UGT1A7: variants seen among roughly 807,000 people sequenced by gnomAD.
The protein encoded by UGT1A7 is UDP-glucuronosyltransferase 1A7.
A neutral mutation model predicts 45.6 loss-of-function variants in UGT1A7; 33 were observed. That is an observed-to-expected ratio of 0.72 (90% confidence interval 0.55 to 0.97). The LOEUF (loss-of-function observed/expected upper bound fraction) is 0.97. Among genes scored for constraint, UGT1A7 ranks in the 50% least tolerant of loss-of-function variants. The pLI is 0.00. For missense variants in UGT1A7, 684 were observed against 666.2 expected (o/e 1.03, Z -0.29); for synonymous variants, 274 against 250.6 (o/e 1.09, Z -0.88).
chr2:233,729,156 G>A (rs397978902), intron 1 of UGT1A7: 62 of 1,613,462 alleles, frequency 3.8e-5, no homozygotes, highest in East Asian at 8.9e-5. Flanking sequence ...TTCCCCTGCC[G>A]TGGCTGGCCA....
At chr2:233,752,601 A>T (rs969086099) in intron 1 of UGT1A7, 2 of 152,086 alleles carry the variant, frequency 1.3e-5, no homozygotes, top group Non-Finnish European at 2.9e-5. Flanking sequence ...GATTTTTTTT[A>T]AAAAAACATT....
rs371021401 is a variant in UGT1A7, at chr2:233,729,953, T to C, written c.856-37081T>C. The stretch of plus-strand genomic sequence containing the variant: ...CCAATCATGCCCAACATGGTCTTCA[T>C]TGGGGGCATCAACTGTGCCAACAGG... On this transcript the variant is annotated intron_variant, in intron 1 of 4. Transcript: ENST00000373426. 4.9e-4 allele frequency: 788 copies of C among 1,614,064 alleles called. 2 individuals are homozygous for C. In the South Asian group the frequency reaches 7.7e-3, roughly 16 times the overall value.
chr2:233,705,135 TG>T (rs2075825979), intron 1 of UGT1A7, among the ~76,000 whole-genome samples: 2 of 98,450 alleles, frequency 2.0e-5, no homozygotes, highest in African/African-American at 1.2e-4. Context: ...AGACTTCGTC[TG>T]AAAAAAAAAA....
intron 1 of UGT1A7, among the ~76,000 whole-genome samples, chr2:233,688,037 A>G (rs972225806): frequency 2.6e-5 from 4 of 152,244 alleles, no homozygotes; most frequent in African/African-American, 9.6e-5. Flanking sequence ...ATCTAATTCC[A>G]GATCATTTTC....
intron 1 of UGT1A7, among the ~76,000 whole-genome samples, chr2:233,764,010 C>T (rs956490955): frequency 8.5e-5 from 13 of 152,216 alleles, no homozygotes; most frequent in Admixed American, 5.2e-4. Context: ...CACAGATGAC[C>T]CACATGGTGT....
At chr2:233,768,582 CTTTT>C (rs139595073) in intron 4 of UGT1A7, 143 bp downstream of exon 4, 9,680 of 1,016,394 alleles carry the variant, frequency 9.5e-3, no homozygotes, top group East Asian at 0.022. Flanking sequence ...TTTATTTCTT[CTTTT>C]TTTTTTTTTT....
intron 1 of UGT1A7, among the ~76,000 whole-genome samples, chr2:233,757,535 A>AATATATATACATATACATATATAC (rs376887521): frequency 2.4e-4 from 21 of 88,296 alleles, no homozygotes; most frequent in African/African-American, 1.1e-3. Context: ...GCCTGTAAGG[A>AATATATATACATATACATATATAC]ATATATATAT....
chr2:233,769,864 A>C lies in UGT1A7; in HGVS notation c.1295+1425A>C, dbSNP rs2126048970. On this transcript the variant is annotated intron_variant, in intron 4 of 4. Transcript: ENST00000373426. The surrounding 1 kb of genome is among the most constrained non-coding windows in gnomAD (Gnocchi z 4.4). ...CAGAGTGAGACCCTGTCTCAAAAAA[A>C]AAAAAAAAAATGAAAAGTCCACATA... 6.3e-6 allele frequency: 3 copies of C among 472,760 alleles called. No homozygotes were observed. The highest frequency in any genetic ancestry group is 3.9e-5 in the South Asian group (1 of 25,612). The allele number at this position is 472,760 out of a possible 1,614,324, so 29.3% of individuals were successfully genotyped here. A position where few individuals can be genotyped will look rare whatever the true frequency, so the allele number is the denominator to read the frequency against.
intron 1 of UGT1A7, among the ~76,000 whole-genome samples, chr2:233,715,287 A>G (rs1325168484): frequency 6.6e-6 from 1 of 152,128 alleles, no homozygotes; most frequent in East Asian, 1.9e-4. Context: ...CTCCAGTTAT[A>G]TTTTGGCTCT....
At chr2:233,690,514 T>A in intron 1 of UGT1A7, 3 of 1,289,746 alleles carry the variant, frequency 2.3e-6, no homozygotes, top group Non-Finnish European at 3.0e-6. Flanking sequence ...ATTTGTTTTA[T>A]CTTAGGATCT....
intron 1 of UGT1A7, chr2:233,721,762 T>C (rs1308091400): frequency 4.2e-6 from 2 of 475,048 alleles, no homozygotes; most frequent in Non-Finnish European, 8.4e-6. Context: ...ATCTAAATTG[T>C]TATATTTAGC....
chr2:233,691,177 G>C, intron 1 of UGT1A7: 1 of 985,670 alleles, frequency 1.0e-6, no homozygotes, highest in South Asian at 4.7e-5. Context: ...ATGTCTGCCT[G>C]CTCAAGAAGG....
chr2:233,743,699 GC>G, intron 1 of UGT1A7: 2 of 1,367,268 alleles, frequency 1.5e-6, no homozygotes, highest in Non-Finnish European at 2.0e-6. Context: ...GCCGCCCTCC[GC>G]CCCCGCCTCG....
chr2:233,695,628 G>A (rs1370697803), intron 1 of UGT1A7, among the ~76,000 whole-genome samples: 1 of 151,214 alleles, frequency 6.6e-6, no homozygotes, highest in African/African-American at 2.4e-5. Flanking sequence ...CTACCTCCAT[G>A]AGACCCACTT....
chr2:233,760,233 C>T (rs1697357127), intron 1 of UGT1A7: 2 of 1,510,150 alleles, frequency 1.3e-6, no homozygotes, highest in Non-Finnish European at 9.0e-7. Context: ...TGGTTTTTGC[C>T]ATATATATAT....
chr2:233,745,687 G>A (rs1693175005), intron 1 of UGT1A7, among the ~76,000 whole-genome samples: 1 of 150,802 alleles, frequency 6.6e-6, no homozygotes, highest in Non-Finnish European at 1.5e-5. Context: ...ATCAAAGCAA[G>A]TTTGGAGAAC....
chr2:233,729,968 G>C (rs201755757), intron 1 of UGT1A7: 1 of 1,614,008 alleles, frequency 6.2e-7, no homozygotes. Context: ...GGCATCAACT[G>C]TGCCAACAGG....
Position 233,700,704 on chromosome 2 carries a change from GT to G in UGT1A7, c.855+17919del, listed in dbSNP as rs199725937. Among the ~76,000 whole-genome samples the G allele has an allele frequency of 4.5e-3, 682 of 151,722 alleles. 11 individuals are homozygous for G. The highest frequency in any genetic ancestry group is 0.016 in the African/African-American group (644 of 41,324). On this transcript the variant is annotated intron_variant, in intron 1 of 4. Coordinates refer to ENST00000373426, the MANE Select transcript of UGT1A7 (RefSeq NM_019077.3). ...ATAATATATAAACTACACTTTGAAT[GT>G]TTTTTTCTTTTTTTAAAAATTTTAT...
At chr2:233,745,894 T>G (rs1160883177) in intron 1 of UGT1A7, among the ~76,000 whole-genome samples, 1 of 150,898 alleles carries the variant, frequency 6.6e-6, no homozygotes, top group African/African-American at 2.5e-5. Context: ...TGGGGTGGCG[T>G]TTTTCAGGGA....
Sources: gnomAD v4.1 joint callset for allele counts (sites outside exome capture counted in the v4.1 genomes callset) on GRCh38, gnomAD v4.1.1 for gene constraint, Gnocchi (gnomAD v3.1) non-coding constraint, MANE v1.5 for transcripts, NCBI Gene and HGNC (gene_info 2026-07-23, HGNC 2026-07-21) for gene names.